The following UQCRC1 variants were observed in gnomAD, a reference collection of about 807,000 sequenced individuals.
UQCRC1 encodes cytochrome b-c1 complex subunit 1, mitochondrial.
UQCRC1 carries 34 observed loss-of-function variants against 58.0 expected under a neutral mutation model. That is an observed-to-expected ratio of 0.59 (90% CI 0.45 to 0.78). The LOEUF (loss-of-function observed/expected upper bound fraction) is 0.78. Ranked by LOEUF, UQCRC1 falls within the 30% of genes least tolerant of loss-of-function variation. UQCRC1 has a pLI of 0.00. For missense variants in UQCRC1, 610 were observed against 646.0 expected, an observed-to-expected ratio of 0.94 and a Z score of 0.60; for synonymous variants, 276 against 248.8, an observed-to-expected ratio of 1.11 and a Z score of -1.03.
At position 48,606,277 on chromosome 3, in the gene UQCRC1, C is replaced by T. The variant is rs570156587; in HGVS notation, c.211-421G>A. Among the ~76,000 whole-genome samples, 4 of 152,282 alleles carry T rather than the reference C, an allele frequency of 2.6e-5. No individual in the cohort carries two copies. In the East Asian group the frequency reaches 5.8e-4, roughly 22 times the overall value. Reference sequence around the variant, plus strand: ...GCCTTTGTTCTGGCAATGATTTTATCCTTTCATCATTAAGGAAGGGACTAT... The same window carrying T: ...GCCTTTGTTCTGGCAATGATTTTATTCTTTCATCATTAAGGAAGGGACTAT... On this transcript the variant is annotated intron_variant, in intron 2 of 12. Transcript: ENST00000203407.
chr3:48,603,982 C>A, intron 5 of UQCRC1: 3 of 592,006 alleles, frequency 5.1e-6, no homozygotes, highest in Middle Eastern at 9.0e-4. Context: ...GGAGGGGACA[C>A]CCAGACACTT....
At chr3:48,599,573 A>C in intron 12 of UQCRC1, 62 bp downstream of exon 12, 1 of 1,567,856 alleles carries the variant, frequency 6.4e-7, no homozygotes. Context: ...CAGAGGTGGA[A>C]GGGGAGGCCA....
Position 48,609,623 on chromosome 3 carries a change from T to C in UQCRC1, c.-3A>G. 17 of 1,566,302 alleles carry C rather than the reference T, an allele frequency of 1.1e-5. No individual in the cohort carries two copies. The highest frequency in any genetic ancestry group is 1.5e-5 in the Non-Finnish European group (17 of 1,159,684). On this transcript the variant is annotated 5_prime_UTR_variant, in exon 1 of 13. Coordinates refer to ENST00000203407, the MANE Select transcript of UQCRC1 (RefSeq NM_003365.3). ...CGACAGACCACGGACGCCGCCATCT[T>C]CCAGCTGCAGTCGGCCCTGTTGCGC...
In UQCRC1 at chr3:48,601,044, C is replaced by T. The variant is rs141289289; in HGVS notation, c.897G>A (p.Pro299=). Residue 299 remains proline, a synonymous_variant, in exon 8 of 13, where the codon CCG becomes CCA. Coordinates refer to ENST00000203407, the MANE Select transcript of UQCRC1 (RefSeq NM_003365.3). The stretch of plus-strand genomic sequence containing the variant: ...TGGCCACTTGCAAGGCCACATTGTC[C>T]GGGCTGGCCCAGCCAGGACCCTCTA... ...IAVEGPGWAS[P]DNVALQVANA... The T allele has an allele frequency of 2.0e-5, 33 of 1,610,926 alleles. No homozygotes were observed. The highest frequency in any genetic ancestry group is 8.8e-5 in the South Asian group (8 of 90,982).
Position 48,600,968 on chromosome 3 carries a change from C to T in UQCRC1, c.966+7G>A. 6.2e-7 allele frequency: 1 copy of T among 1,602,862 alleles called. No individual in the cohort carries two copies. The highest frequency in any genetic ancestry group is 1.1e-5 in the South Asian group (1 of 90,342). ...AGGCGAGGTCCCATGCTCGCGCTGGCACTCACCACGCCACCACCATAAGTG... is the reference window on the plus strand; with the variant it reads ...AGGCGAGGTCCCATGCTCGCGCTGGTACTCACCACGCCACCACCATAAGTG... On this transcript the variant is annotated splice_region_variant and intron_variant, in intron 8 of 12. Transcript: ENST00000203407.
intron 1 of UQCRC1, 50 bp from the exon 2 acceptor site, chr3:48,609,352 C>T (rs374838507): frequency 1.9e-6 from 3 of 1,577,734 alleles, no homozygotes; most frequent in Non-Finnish European, 2.6e-6. Flanking sequence ...GGATCGCTCC[C>T]CACCTCCCAG....
chr3:48,604,597 T>C, intron 4 of UQCRC1, 54 bp downstream of exon 4: 8 of 1,611,046 alleles, frequency 5.0e-6, no homozygotes, highest in Non-Finnish European at 5.1e-6. Flanking sequence ...GGCTCCTAGG[T>C]AGCTGTCCTC....
chr3:48,601,848 G>A (rs1228752818), intron 6 of UQCRC1, among the ~76,000 whole-genome samples: 1 of 152,188 alleles, frequency 6.6e-6, no homozygotes, highest in Non-Finnish European at 1.5e-5. Context: ...TCTCCCTCAA[G>A]TATTTCTGGC....
intron 2 of UQCRC1, among the ~76,000 whole-genome samples, chr3:48,607,799 A>G (rs1200896176): frequency 2.0e-5 from 3 of 152,082 alleles, no homozygotes; most frequent in Admixed American, 6.6e-5. Context: ...CATCACCAGA[A>G]TAACAAACCT....
chr3:48,605,668 C>G (rs1018704608), intron 3 of UQCRC1, 102 bp downstream of exon 3: 5 of 1,183,260 alleles, frequency 4.2e-6, no homozygotes, highest in Non-Finnish European at 6.0e-6. Flanking sequence ...ACATCAGCCC[C>G]GCAACTGAGG....
chr3:48,608,703 G>T (rs1325126889), intron 2 of UQCRC1, among the ~76,000 whole-genome samples: 1 of 152,164 alleles, frequency 6.6e-6, no homozygotes. Context: ...TAGAGAATTT[G>T]TATTTTTTGG....
At position 48,600,522 on chromosome 3, in the gene UQCRC1, G is replaced by T. The variant is rs752204455; in HGVS notation, c.1173C>A (p.Gly391=). The T allele has an allele frequency of 4.3e-6, 7 of 1,613,962 alleles. No individual in the cohort carries two copies. In the East Asian group the frequency reaches 1.6e-4, roughly 36 times the overall value. The part of the protein sequence containing the change: ...TSATESEVAR[G]KNILRNALVS... Reference sequence around the variant, plus strand: ...CCAGGGCATTTCTGAGGATGTTTTTGCCCCGGGCCACCTCACTCTCCGTGG... The same window carrying T: ...CCAGGGCATTTCTGAGGATGTTTTTTCCCCGGGCCACCTCACTCTCCGTGG... Residue 391 remains glycine, a synonymous_variant, in exon 10 of 13, where the codon GGC becomes GGA. Coordinates refer to ENST00000203407, the MANE Select transcript of UQCRC1 (RefSeq NM_003365.3).
rs2046343855 is a variant in UQCRC1, at chr3:48,599,667, A to G, written c.1346T>C (p.Ile449Thr). The change falls in exon 12 of 13, where the codon ATC becomes ACC. Residue 449 changes from isoleucine to threonine, a missense_variant. By Grantham distance (89) the Ile-to-Thr change is moderately conservative. Coordinates refer to ENST00000203407, the MANE Select transcript of UQCRC1 (RefSeq NM_003365.3). ...AGCCACTGCTGGGCACTGGTCATAG[A>G]TGTACTTGGAGCAGATCTCACGTAC... is the stretch of plus-strand genomic sequence containing the variant. ...SVVREICSKY[I>T]YDQCPAVAGY... 6.2e-7 allele frequency: 1 copy of G among 1,613,880 alleles called. No homozygotes were observed. The highest frequency in any genetic ancestry group is 8.5e-7 in the Non-Finnish European group (1 of 1,179,964).
At chr3:48,607,814 C>A (rs1477773307) in intron 2 of UQCRC1, among the ~76,000 whole-genome samples, 3 of 151,842 alleles carry the variant, frequency 2.0e-5, no homozygotes, top group Non-Finnish European at 1.5e-5. Context: ...AAACCTTGTA[C>A]CCATTAAGTA....
intron 2 of UQCRC1, 48 bp downstream of exon 2, chr3:48,609,114 G>A (rs753360615): frequency 4.5e-6 from 7 of 1,567,322 alleles, no homozygotes; most frequent in African/African-American, 2.7e-5. Context: ...GGGAAAAGAC[G>A]GCAGGCCCAA....
chr3:48,608,482 A>T (rs1457376975), intron 2 of UQCRC1, among the ~76,000 whole-genome samples: 2 of 152,252 alleles, frequency 1.3e-5, no homozygotes, highest in African/African-American at 2.4e-5. Context: ...ATAACAAGTG[A>T]CATATAACAA....
rs1559458613 is a variant in UQCRC1, at chr3:48,609,634, T to A, written c.-14A>T. 1 of 1,553,902 alleles carries A rather than the reference T, an allele frequency of 6.4e-7. No homozygotes were observed. Among genetic ancestry groups the A allele is most frequent in the African/African-American group, 1.4e-5 (1 of 72,292 alleles). ...GGACGCCGCCATCTTCCAGCTGCAG[T>A]CGGCCCTGTTGCGCCGCGCAAGCGT... is the stretch of plus-strand genomic sequence containing the variant. On this transcript the variant is annotated 5_prime_UTR_variant, in exon 1 of 13. Coordinates refer to ENST00000203407, the MANE Select transcript of UQCRC1 (RefSeq NM_003365.3).
chr3:48,606,173 ATTAT>A (rs2043509033), intron 2 of UQCRC1, among the ~76,000 whole-genome samples: 1 of 152,224 alleles, frequency 6.6e-6, no homozygotes, highest in South Asian at 2.1e-4. Flanking sequence ...TTTTCAGTTA[ATTAT>A]TTGTTTTTGT....
chr3:48,609,555 G>A lies in UQCRC1; in HGVS notation c.66C>T (p.Arg22=), dbSNP rs370998725. 3.2e-6 allele frequency: 5 copies of A among 1,563,122 alleles called. No individual in the cohort carries two copies. The African/African-American group carries it at 6.8e-5, about 21-fold the overall frequency. Residue 22 remains arginine (R), a synonymous_variant, in exon 1 of 13, where the codon CGC becomes CGT. Transcript: ENST00000203407. ...AGAQVLLRAR[R]SPALLRTPAL... is the part of the protein sequence containing the mutation. ...CGCGCTCTCGCCACCACCTCACCGA[G>A]CGGCGGGCGCGCAATAGCACTTGTG... is the stretch of plus-strand genomic sequence containing the variant.
Sources: allele counts gnomAD v4.1 joint callset (sites outside exome capture counted in the v4.1 genomes callset), GRCh38; gene constraint gnomAD v4.1.1; transcripts MANE v1.5; gene names NCBI Gene and HGNC (gene_info 2026-07-23, HGNC 2026-07-21).